Variants in DENND1A observed in about 807,000 individuals in gnomAD.
DENND1A encodes the protein DENN domain-containing protein 1A.
Under a neutral mutation model 113.7 loss-of-function variants are expected in DENND1A, and 51 were observed. That is an observed-to-expected ratio of 0.45 (90% CI 0.36 to 0.57). The LOEUF is 0.57. Among genes scored for constraint, DENND1A ranks in the 20% least tolerant of loss-of-function variants. The pLI is 0.00. For missense variants in DENND1A, 1,258 were observed against 1,395.9 expected, an observed-to-expected ratio of 0.90 and a Z score of 1.57; for synonymous variants, 565 against 570.8, an observed-to-expected ratio of 0.99 and a Z score of 0.14.
chr9:123,472,957 C>T (rs2049569223), intron 13 of DENND1A, among the ~76,000 whole-genome samples: 1 of 152,212 alleles, frequency 6.6e-6, no homozygotes, highest in Admixed American at 6.5e-5. Context: ...GATGCTTCCT[C>T]CTTGCCCGGG....
chr9:123,838,166 ATCG>A (rs1366983812), intron 2 of DENND1A, among the ~76,000 whole-genome samples: 1 of 152,162 alleles, frequency 6.6e-6, no homozygotes, highest in Non-Finnish European at 1.5e-5. Context: ...CAGACCTAGA[ATCG>A]AATCAACAAT....
intron 18 of DENND1A, 145 bp from the exon 19 acceptor site, chr9:123,440,636 G>T: frequency 9.0e-7 from 1 of 1,114,780 alleles, no homozygotes; most frequent in Non-Finnish European, 1.2e-6. Flanking sequence ...GGAATGGAGG[G>T]CTAACTTGGC....
intron 2 of DENND1A, among the ~76,000 whole-genome samples, chr9:123,835,668 A>G (rs939303784): frequency 6.2e-5 from 9 of 145,408 alleles, no homozygotes; most frequent in African/African-American, 1.7e-4. Context: ...AGGAAAAAAA[A>G]AAAAAAAAGA....
At chr9:123,794,289 G>C (rs540831654) in intron 2 of DENND1A, among the ~76,000 whole-genome samples, 2 of 152,206 alleles carry the variant, frequency 1.3e-5, no homozygotes, top group African/African-American at 4.8e-5. Context: ...GAACAACGGG[G>C]AACAAGGGGC....
intron 5 of DENND1A, among the ~76,000 whole-genome samples, chr9:123,724,407 C>G (rs1312641360): frequency 6.6e-6 from 1 of 151,934 alleles, no homozygotes; most frequent in Non-Finnish European, 1.5e-5. Context: ...AATGTTGGCT[C>G]CAGGCCAAAT....
intron 2 of DENND1A, among the ~76,000 whole-genome samples, chr9:123,856,759 G>A (rs753370644): frequency 6.6e-5 from 10 of 151,420 alleles, no homozygotes; most frequent in African/African-American, 1.7e-4. Flanking sequence ...GAGGCAGAGC[G>A]ACACAGGGTA....
intron 4 of DENND1A, among the ~76,000 whole-genome samples, chr9:123,761,970 A>G (rs985024485): frequency 5.9e-5 from 9 of 152,180 alleles, no homozygotes; most frequent in Non-Finnish European, 1.3e-4. Context: ...AAGCTAGGAG[A>G]AACCATCTCA....
intron 5 of DENND1A, among the ~76,000 whole-genome samples, chr9:123,744,763 A>G (rs1327934905): frequency 7.3e-6 from 1 of 137,228 alleles, no homozygotes; most frequent in African/African-American, 2.8e-5. Context: ...CTTTACTTAT[A>G]TTAGCTCTTT....
intron 3 of DENND1A, among the ~76,000 whole-genome samples, chr9:123,770,616 A>T (rs972249582): frequency 1.1e-4 from 16 of 152,348 alleles, no homozygotes; most frequent in Admixed American, 3.3e-4. Flanking sequence ...TATAAATTTT[A>T]AAAAAGTATT....
rs1252851410 is a variant in DENND1A, at chr9:123,852,224, TAAG to T, written c.88+26724_88+26726del. Among the ~76,000 whole-genome samples the T allele has an allele frequency of 9.2e-5, 14 of 152,294 alleles. No individual in the cohort carries two copies. In the South Asian group the frequency reaches 1.0e-3, roughly 11 times the overall value. Reference sequence around the variant, plus strand: ...GGGCCTGTACTTGAGAAGCTATACTTAAGAAGTCATATCTAAGTTTCTCATCCT... The same window carrying T: ...GGGCCTGTACTTGAGAAGCTATACTTAAGTCATATCTAAGTTTCTCATCCT... On this transcript the variant is annotated intron_variant, in intron 2 of 23. Transcript: ENST00000394215.
At chr9:123,828,044 T>C (rs516467) in intron 2 of DENND1A, among the ~76,000 whole-genome samples, 13,106 of 151,802 alleles carry the variant, frequency 0.086, 969 homozygotes, top group African/African-American at 0.2. Context: ...TTCAAAGCAA[T>C]AGAAACAGAC....
chr9:123,465,008 A>AAG (rs2048823840), intron 13 of DENND1A, among the ~76,000 whole-genome samples: 1 of 145,330 alleles, frequency 6.9e-6, no homozygotes, highest in Non-Finnish European at 1.5e-5. Context: ...AAAAAAAAAA[A>AAG]AAAAAAAAAA....
chr9:123,652,529 C>T (rs1057373629), intron 8 of DENND1A, among the ~76,000 whole-genome samples: 3 of 152,172 alleles, frequency 2.0e-5, no homozygotes, highest in African/African-American at 4.8e-5. Flanking sequence ...GCCCCAGATC[C>T]TAGAACCTTC....
intron 23 of DENND1A, among the ~76,000 whole-genome samples, chr9:123,382,849 C>T (rs1281651251): frequency 2.6e-5 from 4 of 152,258 alleles, no homozygotes; most frequent in African/African-American, 4.8e-5. Context: ...ACAAAGCTCT[C>T]GTCCCTTTAT....
intron 11 of DENND1A, among the ~76,000 whole-genome samples, chr9:123,586,310 T>C (rs948135972): frequency 6.6e-6 from 1 of 152,124 alleles, no homozygotes; most frequent in East Asian, 1.9e-4. Context: ...TGTGCTCCCA[T>C]TGGGCCCCAG....
intron 7 of DENND1A, among the ~76,000 whole-genome samples, chr9:123,670,976 G>A (rs2139964188): frequency 6.6e-6 from 1 of 152,298 alleles, no homozygotes; most frequent in South Asian, 2.1e-4. Flanking sequence ...GGCAGGCTGG[G>A]ACAGGGACTG....
intron 1 of DENND1A, among the ~76,000 whole-genome samples, chr9:123,901,230 G>A (rs1269209740): frequency 1.3e-5 from 2 of 152,156 alleles, no homozygotes; most frequent in African/African-American, 2.4e-5. Context: ...GCCCAGTCAG[G>A]AGGAATTACA....
intron 19 of DENND1A, among the ~76,000 whole-genome samples, chr9:123,434,774 G>A (rs550908209): frequency 6.6e-6 from 1 of 152,294 alleles, no homozygotes; most frequent in East Asian, 1.9e-4. Context: ...GAGTCTTTAG[G>A]AGAGGCTGGG....
At chr9:123,781,053 C>T (rs1359954700) in intron 3 of DENND1A, among the ~76,000 whole-genome samples, 1 of 152,230 alleles carries the variant, frequency 6.6e-6, no homozygotes, top group Non-Finnish European at 1.5e-5. Flanking sequence ...AGCATTCTGT[C>T]TCCAGGGTCA....
Sources: gnomAD v4.1 joint callset for allele counts (sites outside exome capture counted in the v4.1 genomes callset) on GRCh38, gnomAD v4.1.1 for gene constraint, MANE v1.5 for transcripts, NCBI Gene and HGNC (gene_info 2026-07-23, HGNC 2026-07-21) for gene names.